The following PRH1 variants were observed in gnomAD, a reference collection of about 807,000 sequenced individuals.
PRH1 encodes proline rich protein HaeIII subfamily 1.
In PRH1, 7 loss-of-function variants were observed where a neutral mutation model predicts 7.9. The observed-to-expected ratio is 0.89, with a 90% CI of 0.50 to 1.67. The LOEUF (loss-of-function observed/expected upper bound fraction) is 1.67, where lower values mean the gene tolerates loss of function less well. Ranked by LOEUF, PRH1 falls within the 40% of genes most tolerant of loss-of-function variation. The pLI, the probability that PRH1 is intolerant of heterozygous loss-of-function variation, is 0.00. For missense variants in PRH1, 109 were observed against 223.6 expected, an observed-to-expected ratio of 0.49 and a Z score of 3.27; for synonymous variants, 45 against 80.8, an observed-to-expected ratio of 0.56 and a Z score of 2.38.
chr12:10,950,473 T>C (rs1454719958), intron 2 of PRH1, among the ~76,000 whole-genome samples: 3 of 151,850 alleles, frequency 2.0e-5, no homozygotes, highest in Admixed American at 6.6e-5. Flanking sequence ...AATGTAACTG[T>C]AGTTTAAAAA....
intron 2 of PRH1, among the ~76,000 whole-genome samples, chr12:10,905,769 C>T (rs59070256): frequency 0.024 from 3,715 of 152,082 alleles, 154 homozygotes; most frequent in African/African-American, 0.083. Flanking sequence ...TGCAGCAGCA[C>T]GGATGCAGCT....
chr12:10,897,275 C>T (rs930030834), intron 2 of PRH1, among the ~76,000 whole-genome samples: 8 of 152,258 alleles, frequency 5.3e-5, no homozygotes, highest in African/African-American at 1.9e-4. Context: ...GCTCACTAGC[C>T]ACGTGTGACT....
intron 2 of PRH1, among the ~76,000 whole-genome samples, chr12:10,902,668 T>C (rs1299171769): frequency 6.6e-6 from 1 of 152,080 alleles, no homozygotes; most frequent in Non-Finnish European, 1.5e-5. Context: ...GCCAAGTATA[T>C]AGCTCAGCAG....
At chr12:11,007,700 C>T (rs1323080850) in intron 1 of PRH1, among the ~76,000 whole-genome samples, 1 of 152,002 alleles carries the variant, frequency 6.6e-6, no homozygotes, top group Admixed American at 6.6e-5. Flanking sequence ...TTTGAGATGG[C>T]TTCCACATTG....
At position 10,908,443 on chromosome 12, in the gene PRH1, C is replaced by T. The variant is rs373275947; in HGVS notation, c.-58-24168G>A. Reference sequence around the variant, plus strand: ...AAAAGAAAGGCCTGTCTTAACTTAGCGTTTCCTAGAATCAGAAGAAAGGAG... The same window carrying T: ...AAAAGAAAGGCCTGTCTTAACTTAGTGTTTCCTAGAATCAGAAGAAAGGAG... On this transcript the variant is annotated intron_variant, in intron 2 of 3. Coordinates refer to the PRH1 transcript ENST00000539853. 33 of 1,613,676 alleles carry T rather than the reference C, an allele frequency of 2.0e-5. No individual in the cohort carries two copies. The highest frequency in any genetic ancestry group is 3.3e-5 in the Admixed American group (2 of 59,952).
At chr12:11,057,455 C>G (rs1215328909) in intron 1 of PRH1, among the ~76,000 whole-genome samples, 1 of 152,302 alleles carries the variant, frequency 6.6e-6, no homozygotes, top group East Asian at 1.9e-4. Context: ...TCTTCGTGAA[C>G]TGTAGAGTAA....
At chr12:11,156,844 ATTT>A (rs141685387) in intron 1 of PRH1, among the ~76,000 whole-genome samples, 62,762 of 138,790 alleles carry the variant, frequency 0.45, 14,340 homozygotes, top group Non-Finnish European at 0.52. Flanking sequence ...GAAAACACCA[ATTT>A]TTTTTTTTTT....
intron 1 of PRH1, among the ~76,000 whole-genome samples, chr12:11,149,356 G>A (rs1479178609): frequency 6.6e-6 from 1 of 151,838 alleles, no homozygotes; most frequent in Non-Finnish European, 1.5e-5. Flanking sequence ...TCTTGCTTTC[G>A]CCAAGTCAAT....
intron 1 of PRH1, among the ~76,000 whole-genome samples, chr12:11,053,941 C>T (rs1943256539): frequency 6.6e-6 from 1 of 152,168 alleles, no homozygotes; most frequent in Non-Finnish European, 1.5e-5. Context: ...CTGCCTCAGC[C>T]TCCCAAGTAG....
At chr12:10,895,841 A>G (rs976075133) in intron 2 of PRH1, 5 of 152,208 alleles carry the variant, frequency 3.3e-5, no homozygotes, top group Admixed American at 3.3e-4. Flanking sequence ...GAATTACACT[A>G]CAAGAATTCT....
intron 1 of PRH1, among the ~76,000 whole-genome samples, chr12:11,146,243 A>G (rs1259973489): frequency 6.7e-6 from 1 of 149,728 alleles, no homozygotes; most frequent in Admixed American, 6.7e-5. Context: ...TTTTTCTAGT[A>G]TTCATTCTGC....
At chr12:11,099,880 G>A (rs2599395) in intron 1 of PRH1, among the ~76,000 whole-genome samples, 69,184 of 151,982 alleles carry the variant, frequency 0.46, 16,556 homozygotes, top group Non-Finnish European at 0.53. Flanking sequence ...GAAAGAAAAA[G>A]TAGATGGGGA....
intron 1 of PRH1, among the ~76,000 whole-genome samples, chr12:11,001,464 T>G (rs1295899781): frequency 6.6e-6 from 1 of 152,096 alleles, no homozygotes; most frequent in Non-Finnish European, 1.5e-5. Flanking sequence ...GCAACCTGTG[T>G]GGGCTGATGA....
At position 11,030,756 on chromosome 12, in the gene PRH1, A is replaced by T. The variant is rs536881429; in HGVS notation, c.-126+16264T>A. ...AGAGAACAGATTAACAGCAAAAAAC[A>T]TAGCAGGGTCAGAGTGAAGGGCACT... On this transcript the variant is annotated intron_variant, in intron 1 of 3. Coordinates refer to the PRH1 transcript ENST00000539853. 53 of 1,614,178 alleles carry T rather than the reference A, an allele frequency of 3.3e-5. No homozygotes were observed. In the South Asian group the frequency reaches 5.2e-4, roughly 16 times the overall value.
intron 2 of PRH1, among the ~76,000 whole-genome samples, chr12:10,904,595 C>T (rs1356366865): frequency 6.6e-6 from 1 of 152,012 alleles, no homozygotes. Flanking sequence ...ACTTAGGAAA[C>T]ACCATTCTAA....
chr12:11,053,297 T>C (rs1943230751), intron 1 of PRH1, among the ~76,000 whole-genome samples: 1 of 152,214 alleles, frequency 6.6e-6, no homozygotes, highest in Non-Finnish European at 1.5e-5. Flanking sequence ...CCAAATGATA[T>C]AGACAAGATG....
At position 11,088,809 on chromosome 12, in the gene PRH1, GA is replaced by G. The variant is rs1357939700; in HGVS notation, n.124-41622del. Among the ~76,000 whole-genome samples, 313 of 116,126 alleles carry G rather than the reference GA, an allele frequency of 2.7e-3. 100 individuals are homozygous for G. The highest frequency in any genetic ancestry group is 5.1e-3 in the Non-Finnish European group (248 of 48,988). The allele number at this position is 116,126 out of a possible 152,430, so 76.2% of individuals were successfully genotyped here. ...GATCCAGCAGGATTCAAAGATGCTA[GA>G]AACATACATAGTGGTCATTATAGGA... On this transcript the variant is annotated intron_variant and non_coding_transcript_variant, in intron 1 of 4. Transcript: ENST00000541977.
At chr12:11,041,288 CAAAAAAA>C (rs67144212) in intron 1 of PRH1, among the ~76,000 whole-genome samples, 1 of 81,392 alleles carries the variant, frequency 1.2e-5, no homozygotes, top group African/African-American at 5.4e-5. Flanking sequence ...CAATGCAAAC[CAAAAAAA>C]AAAAAAAAAA....
chr12:10,930,535 G>A (rs146595547), intron 2 of PRH1: 4 of 1,519,504 alleles, frequency 2.6e-6, no homozygotes, highest in Non-Finnish European at 2.6e-6. Context: ...CCTTGGGAAG[G>A]GGGGAGGTTG....
Sources: allele counts gnomAD v4.1 joint callset (sites outside exome capture counted in the v4.1 genomes callset), GRCh38; gene constraint gnomAD v4.1.1; transcripts MANE v1.5; gene names NCBI Gene and HGNC (gene_info 2026-07-23, HGNC 2026-07-21).